The following ATP8B4 variants were observed in gnomAD, a reference collection of about 807,000 sequenced individuals.
The protein encoded by ATP8B4 is ATPase phospholipid transporting 8B4 (putative), also known as probable phospholipid-transporting ATPase IM.
A neutral mutation model predicts 145.6 loss-of-function variants in ATP8B4; 133 were observed. That is an observed-to-expected ratio of 0.91 (90% confidence interval 0.79 to 1.05). The LOEUF is 1.05. Ranked by LOEUF, ATP8B4 falls within the 50% of genes least tolerant of loss-of-function variation. ATP8B4 has a pLI of 0.00. For missense variants in ATP8B4, 1,458 were observed against 1,425.2 expected, an observed-to-expected ratio of 1.02 and a Z score of -0.37; for synonymous variants, 507 against 492.9, an observed-to-expected ratio of 1.03 and a Z score of -0.38.
At chr15:49,958,490 G>A (rs947986885) in intron 14 of ATP8B4, among the ~76,000 whole-genome samples, 6 of 151,338 alleles carry the variant, frequency 4.0e-5, no homozygotes. Context: ...ATGGAAGAAG[G>A]GGCAACTAAA....
chr15:50,089,473 T>C (rs937176325), intron 2 of ATP8B4, among the ~76,000 whole-genome samples: 2 of 151,982 alleles, frequency 1.3e-5, no homozygotes, highest in Non-Finnish European at 2.9e-5. Context: ...GCAAAGGACA[T>C]GAACTTCTCA....
intron 3 of ATP8B4, among the ~76,000 whole-genome samples, chr15:50,062,769 A>G (rs2053117664): frequency 6.6e-6 from 1 of 152,202 alleles, no homozygotes; most frequent in Admixed American, 6.5e-5. Context: ...ATATCAGAGT[A>G]CAAGGGAGAA....
At position 49,927,469 on chromosome 15, in the gene ATP8B4, C is replaced by T. The variant is rs530604448; in HGVS notation, c.1642+3650G>A. On this transcript the variant is annotated intron_variant, in intron 16 of 27. Coordinates refer to ENST00000284509, the MANE Select transcript of ATP8B4 (RefSeq NM_024837.4). ...GTTATCATGCAAAGACTTTTCTGCCCTGGTAGAGTCCCTCTAAAAATCCTC... is the reference window on the plus strand; with the variant it reads ...GTTATCATGCAAAGACTTTTCTGCCTTGGTAGAGTCCCTCTAAAAATCCTC... 2.0e-4 allele frequency among the ~76,000 whole-genome samples: 31 copies of T among 152,160 alleles called. No homozygotes were observed. The South Asian group carries it at 6.4e-3, about 32-fold the overall frequency.
chr15:49,931,141 G>T lies in ATP8B4; in HGVS notation c.1620C>A (p.Thr540=), dbSNP rs1233856545. ...QLLAFLDFNN[T]RKRMSVIVRN... is the part of the protein sequence containing the mutation. ...TACCTATGACAGACATCCTTTTTCT[G>T]GTGTTGTTGAAATCCAAAAAGGCAA... Residue 540 remains threonine, a synonymous_variant, in exon 16 of 28, where the codon ACC becomes ACA. Coordinates refer to ENST00000284509, the MANE Select transcript of ATP8B4 (RefSeq NM_024837.4). 1.2e-5 allele frequency: 20 copies of T among 1,610,606 alleles called. No homozygotes were observed. The highest frequency in any genetic ancestry group is 1.6e-5 in the Non-Finnish European group (19 of 1,178,084).
chr15:50,001,826 T>G (rs867622839), intron 8 of ATP8B4, among the ~76,000 whole-genome samples: 5 of 152,204 alleles, frequency 3.3e-5, no homozygotes, highest in Admixed American at 2.6e-4. Flanking sequence ...CAAGGAATCT[T>G]GATCTCTACC....
chr15:50,014,686 G>C (rs2048960296), intron 6 of ATP8B4, among the ~76,000 whole-genome samples: 1 of 152,090 alleles, frequency 6.6e-6, no homozygotes, highest in Non-Finnish European at 1.5e-5. Flanking sequence ...TTGTTTATCT[G>C]AAATCCAAAT....
chr15:49,955,606 G>A (rs79596392), intron 14 of ATP8B4, among the ~76,000 whole-genome samples: 8,563 of 152,160 alleles, frequency 0.056, 830 homozygotes, highest in African/African-American at 0.2. Flanking sequence ...CAATAGCCAA[G>A]AGGTGGAAGC....
chr15:49,928,334 T>C (rs1044605729), intron 16 of ATP8B4, among the ~76,000 whole-genome samples: 7 of 152,062 alleles, frequency 4.6e-5, no homozygotes, highest in Non-Finnish European at 7.4e-5. Flanking sequence ...GTAGGGAACA[T>C]TTCCAAGAAG....
chr15:50,134,939 C>G (rs1183470053), intron 1 of ATP8B4, among the ~76,000 whole-genome samples: 1 of 132,396 alleles, frequency 7.6e-6, no homozygotes, highest in East Asian at 2.4e-4. Flanking sequence ...TCAAGCTCAA[C>G]AGTCACTCTG....
intron 27 of ATP8B4, among the ~76,000 whole-genome samples, chr15:49,861,428 G>A (rs991354987): frequency 1.4e-5 from 2 of 144,236 alleles, no homozygotes; most frequent in African/African-American, 5.3e-5. Context: ...GTGTGTGTCT[G>A]TCTGTCTGTC....
chr15:50,176,365 G>C (rs574035401), intron 1 of ATP8B4, among the ~76,000 whole-genome samples: 1 of 152,098 alleles, frequency 6.6e-6, no homozygotes, highest in East Asian at 1.9e-4. Flanking sequence ...TTGGGGACTT[G>C]GGAAGAGTAG....
Position 49,995,327 on chromosome 15 carries a change from T to A in ATP8B4, c.589+1350A>T, listed in dbSNP as rs191949691. On this transcript the variant is annotated intron_variant, in intron 9 of 27. Transcript: ENST00000284509. ...GCCTCCATGAATATTCAATGAGGTA[T>A]TTTAAGCAAGTATTTTGATTCATGA... Among the ~76,000 whole-genome samples, 289 of 152,328 alleles carry A rather than the reference T, an allele frequency of 1.9e-3. 3 individuals are homozygous for A. Among genetic ancestry groups the A allele is most frequent in the South Asian group, 5.6e-3 (27 of 4,830 alleles).
chr15:49,934,053 G>C lies in ATP8B4; in HGVS notation c.1417C>G (p.Leu473Val), dbSNP rs568353492. 14 of 1,612,518 alleles carry C rather than the reference G, an allele frequency of 8.7e-6. No homozygotes were observed. The Admixed American group carries it at 1.8e-4, about 21-fold the overall frequency. ...TCTTCTGACATTACAGTGTGGCAGAGAGCAAGTAACCTAAGGAATTCATGA... is the reference window on the plus strand; with the variant it reads ...TCTTCTGACATTACAGTGTGGCAGACAGCAAGTAACCTAAGGAATTCATGA... Reference protein sequence around the residue: ...KVHEFLRLLALCHTVMSEENS... With the variant: ...KVHEFLRLLAVCHTVMSEENS... The change falls in exon 15 of 28, where the codon CTC becomes GTC. Residue 473 changes from leucine (L) to valine (V), a missense_variant. Leu to Val is a conservative substitution (Grantham distance 32, BLOSUM62 1). Coordinates refer to ENST00000284509, the MANE Select transcript of ATP8B4 (RefSeq NM_024837.4).
intron 3 of ATP8B4, among the ~76,000 whole-genome samples, chr15:50,053,430 T>C (rs947913774): frequency 6.6e-6 from 1 of 152,244 alleles, no homozygotes; most frequent in African/African-American, 2.4e-5. Context: ...TTGCTCTCTC[T>C]TCCAGTCTGC....
chr15:49,910,232 T>A (rs973599551), intron 20 of ATP8B4, among the ~76,000 whole-genome samples: 1 of 151,960 alleles, frequency 6.6e-6, no homozygotes. Flanking sequence ...GTTTTGACAA[T>A]AGACTAGATC....
intron 20 of ATP8B4, chr15:49,902,235 GT>G (rs968299337): frequency 1.4e-4 from 21 of 152,210 alleles, no homozygotes; most frequent in African/African-American, 5.1e-4. Flanking sequence ...AACATGGAGA[GT>G]GAGAGAAGAC....
intron 6 of ATP8B4, among the ~76,000 whole-genome samples, chr15:50,034,508 C>T (rs1420333387): frequency 6.6e-6 from 1 of 152,104 alleles, no homozygotes; most frequent in African/African-American, 2.4e-5. Flanking sequence ...GGTTTATGGG[C>T]ATGAGCCACC....
intron 8 of ATP8B4, among the ~76,000 whole-genome samples, chr15:49,999,572 G>A (rs1445931584): frequency 6.6e-6 from 1 of 151,884 alleles, no homozygotes; most frequent in Non-Finnish European, 1.5e-5. Flanking sequence ...TATTTTCCAG[G>A]ACTCCTGATT....
chr15:50,180,319 G>A (rs905435887), intron 1 of ATP8B4, among the ~76,000 whole-genome samples: 1 of 152,160 alleles, frequency 6.6e-6, no homozygotes, highest in Non-Finnish European at 1.5e-5. Flanking sequence ...TGAGAACAGA[G>A]GAGGTGCAGA....
Sources: allele counts gnomAD v4.1 joint callset (sites outside exome capture counted in the v4.1 genomes callset), GRCh38; gene constraint gnomAD v4.1.1; transcripts MANE v1.5; gene names NCBI Gene and HGNC (gene_info 2026-07-23, HGNC 2026-07-21).